The following PLEKHA5 variants were observed in gnomAD, a reference collection of about 807,000 sequenced individuals.
PLEKHA5 encodes the protein pleckstrin homology domain-containing family A member 5.
A neutral mutation model predicts 181.9 loss-of-function variants in PLEKHA5; 55 were observed. The observed-to-expected ratio is 0.30, with a 90% CI of 0.24 to 0.38. The LOEUF is 0.38. Among genes scored for constraint, PLEKHA5 ranks in the 10% least tolerant of loss-of-function variants. The pLI, the probability that PLEKHA5 is intolerant of heterozygous loss-of-function variation, is 1.00. For missense variants in PLEKHA5, 1,432 were observed against 1,549.5 expected, an observed-to-expected ratio of 0.92 and a Z score of 1.27; for synonymous variants, 535 against 529.4, an observed-to-expected ratio of 1.01 and a Z score of -0.15.
intron 3 of PLEKHA5, among the ~76,000 whole-genome samples, chr12:19,203,492 A>T (rs192306077): frequency 7.2e-5 from 11 of 152,184 alleles, no homozygotes; most frequent in African/African-American, 2.6e-4. Flanking sequence ...CCACTGTGCC[A>T]TATCTCAGCC....
intron 3 of PLEKHA5, among the ~76,000 whole-genome samples, chr12:19,188,670 A>G (rs1166474813): frequency 2.6e-5 from 4 of 152,224 alleles, no homozygotes; most frequent in African/African-American, 9.6e-5. Flanking sequence ...TGCAGATTCA[A>G]CTTATGAAAG....
intron 25 of PLEKHA5, among the ~76,000 whole-genome samples, chr12:19,349,588 G>T (rs535162380): frequency 9.2e-5 from 14 of 152,072 alleles, no homozygotes; most frequent in Non-Finnish European, 1.3e-4. Context: ...AAAGAAAAGA[G>T]TAGAGAGAGA....
chr12:19,318,767 A>G (rs1034728927), intron 16 of PLEKHA5, among the ~76,000 whole-genome samples: 1 of 152,192 alleles, frequency 6.6e-6, no homozygotes, highest in Non-Finnish European at 1.5e-5. Context: ...TATTAAAAAT[A>G]CAAAAATCAG....
In PLEKHA5 at chr12:19,283,330, A is replaced by G; in HGVS notation, c.1364A>G (p.Gln455Arg). 1 of 1,613,942 alleles carries G rather than the reference A, an allele frequency of 6.2e-7. No individual in the cohort carries two copies. Among genetic ancestry groups the G allele is most frequent in the African/African-American group, 1.3e-5 (1 of 74,978 alleles). Residue 455 changes from glutamine to arginine, a missense_variant, in exon 12 of 32, where the codon CAG (glutamine) becomes CGG (arginine). Around this residue, in one of 2 missense-constraint regions of PLEKHA5, gnomAD observed 1,143 missense variants for 1,168.4 expected, o/e 0.98. Transcript: ENST00000429027. ...LPRNMPSHRA[Q>R]IMARYPEGYR... Reference sequence around the variant, plus strand: ...AGAAATATGCCAAGTCACAGAGCCCAGATTATGGCCCGCTACCCTGAAGGT... The same window carrying G: ...AGAAATATGCCAAGTCACAGAGCCCGGATTATGGCCCGCTACCCTGAAGGT...
At chr12:19,366,391 C>A (rs963578065) in intron 30 of PLEKHA5, among the ~76,000 whole-genome samples, 4 of 152,242 alleles carry the variant, frequency 2.6e-5, no homozygotes, top group African/African-American at 9.6e-5. Flanking sequence ...TGCGGTGGCT[C>A]ACACCTGTAA....
intron 3 of PLEKHA5, among the ~76,000 whole-genome samples, chr12:19,208,079 T>C (rs1001444097): frequency 3.3e-5 from 5 of 152,116 alleles, no homozygotes; most frequent in Non-Finnish European, 5.9e-5. Flanking sequence ...CTAAAGAACC[T>C]AGCATGGTGT....
chr12:19,300,972 TAAAAAA>T (rs57234099), intron 15 of PLEKHA5, among the ~76,000 whole-genome samples: 28 of 127,614 alleles, frequency 2.2e-4, no homozygotes, highest in African/African-American at 7.2e-4. Flanking sequence ...CCATCTCTAC[TAAAAAA>T]AAAAAAAAAA....
intron 3 of PLEKHA5, among the ~76,000 whole-genome samples, chr12:19,249,732 A>G (rs901510948): frequency 2.0e-5 from 3 of 152,210 alleles, no homozygotes; most frequent in Non-Finnish European, 4.4e-5. Flanking sequence ...GAGGTAAAGT[A>G]AGTTGCCAAA....
intron 23 of PLEKHA5, 45 bp from the exon 24 acceptor site, chr12:19,346,949 T>G (rs1178903170): frequency 2.3e-6 from 3 of 1,299,132 alleles, no homozygotes; most frequent in Admixed American, 2.4e-5. Flanking sequence ...ATATGCTTAA[T>G]TCAATCTGCT....
At chr12:19,208,912 G>A (rs923153565) in intron 3 of PLEKHA5, among the ~76,000 whole-genome samples, 2 of 152,000 alleles carry the variant, frequency 1.3e-5, no homozygotes, top group African/African-American at 4.8e-5. Flanking sequence ...TGGTAGTTTA[G>A]TAGCCATATT....
intron 3 of PLEKHA5, among the ~76,000 whole-genome samples, chr12:19,179,959 T>A (rs2048179889): frequency 6.6e-6 from 1 of 152,226 alleles, no homozygotes; most frequent in African/African-American, 2.4e-5. Context: ...CTCAGCTTCC[T>A]GAGTATCTAG....
At chr12:19,374,598 G>T (rs185475585) in intron 31 of PLEKHA5, among the ~76,000 whole-genome samples, 1 of 149,584 alleles carries the variant, frequency 6.7e-6, no homozygotes, top group African/African-American at 2.5e-5. Context: ...GGTGGAGGTT[G>T]CAGTGAGCCA....
chr12:19,289,828 A>T (rs932661350), intron 13 of PLEKHA5, among the ~76,000 whole-genome samples: 2 of 152,182 alleles, frequency 1.3e-5, no homozygotes, highest in African/African-American at 4.8e-5. Context: ...ATATGAAAGC[A>T]CTAACAGTGA....
chr12:19,151,202 G>C (rs1348910604), intron 3 of PLEKHA5: 1 of 152,188 alleles, frequency 6.6e-6, no homozygotes, highest in Non-Finnish European at 1.5e-5. Context: ...TAACAGCCAA[G>C]GTACTGAGGT....
chr12:19,181,971 C>T (rs1442168954), intron 3 of PLEKHA5, among the ~76,000 whole-genome samples: 2 of 152,138 alleles, frequency 1.3e-5, no homozygotes, highest in African/African-American at 2.4e-5. Context: ...ATGATTACTG[C>T]TACATAGTCC....
intron 3 of PLEKHA5, chr12:19,150,100 T>C (rs909429873): frequency 1.3e-5 from 2 of 152,238 alleles, no homozygotes; most frequent in Admixed American, 1.3e-4. Context: ...GGGATTACAC[T>C]TGATCCTGAA....
At chr12:19,312,196 G>A (rs1429700652) in intron 15 of PLEKHA5, among the ~76,000 whole-genome samples, 4 of 152,186 alleles carry the variant, frequency 2.6e-5, no homozygotes, top group African/African-American at 9.6e-5. Context: ...TCCAGGCTTT[G>A]TTCCTTTTTT....
At chr12:19,227,175 TG>T (rs2059813292) in intron 3 of PLEKHA5, among the ~76,000 whole-genome samples, 3 of 152,192 alleles carry the variant, frequency 2.0e-5, no homozygotes, top group African/African-American at 4.8e-5. Flanking sequence ...TGTACTTTTT[TG>T]GGGGTCACAG....
At chr12:19,138,140 A>T (rs370216511) in intron 3 of PLEKHA5, among the ~76,000 whole-genome samples, 1 of 152,178 alleles carries the variant, frequency 6.6e-6, no homozygotes, top group Non-Finnish European at 1.5e-5. Flanking sequence ...TGTCCTATAC[A>T]GGATGGAATT....
Sources: allele counts gnomAD v4.1 joint callset (sites outside exome capture counted in the v4.1 genomes callset), GRCh38; gene constraint gnomAD v4.1.1; regional missense constraint gnomAD v4.1.1; transcripts MANE v1.5; gene names NCBI Gene and HGNC (gene_info 2026-07-23, HGNC 2026-07-21).